Variants in SH3GL2 observed in about 807,000 individuals in gnomAD.
SH3GL2 encodes SH3 domain containing GRB2 like 2, endophilin A1, also known as endophilin-A1.
In SH3GL2, 24 loss-of-function variants were observed where a neutral mutation model predicts 46.0. The ratio of observed to expected loss-of-function variants is 0.52; its 90% CI spans 0.38 to 0.73. The LOEUF (loss-of-function observed/expected upper bound fraction) is 0.73. Among genes scored for constraint, SH3GL2 ranks in the 30% least tolerant of loss-of-function variants. SH3GL2 has a pLI of 0.00. For missense variants in SH3GL2, 413 were observed against 424.2 expected (o/e 0.97, Z 0.23); for synonymous variants, 196 against 147.1 (o/e 1.33, Z -2.40).
intron 1 of SH3GL2, among the ~76,000 whole-genome samples, chr9:17,670,550 G>C (rs551844547): frequency 6.6e-6 from 1 of 152,180 alleles, no homozygotes; most frequent in Non-Finnish European, 1.5e-5. Context: ...ACACAAAACA[G>C]TTGTATTATG....
intron 6 of SH3GL2, chr9:17,789,912 C>T (rs1400064248): frequency 6.7e-6 from 2 of 300,582 alleles, no homozygotes; most frequent in Non-Finnish European, 9.8e-6. Context: ...CTACTGAGCA[C>T]ATATCAATTT....
At chr9:17,752,855 C>T (rs1822886136) in intron 2 of SH3GL2, among the ~76,000 whole-genome samples, 1 of 152,112 alleles carries the variant, frequency 6.6e-6, no homozygotes, top group Non-Finnish European at 1.5e-5. Context: ...TTGTCTCCCT[C>T]CTCCCACCCT....
intron 1 of SH3GL2, among the ~76,000 whole-genome samples, chr9:17,617,260 C>T (rs182933620): frequency 6.6e-6 from 1 of 152,238 alleles, no homozygotes; most frequent in African/African-American, 2.4e-5. Context: ...AACAATGCTG[C>T]AGTATATAAA....
At chr9:17,654,705 ATGAACCAG>A (rs1820031643) in intron 1 of SH3GL2, among the ~76,000 whole-genome samples, 1 of 152,248 alleles carries the variant, frequency 6.6e-6, no homozygotes, top group Non-Finnish European at 1.5e-5. Flanking sequence ...CACTGACTGT[ATGAACCAG>A]TAGCTAGTGT....
chr9:17,656,051 A>C (rs982920513), intron 1 of SH3GL2, among the ~76,000 whole-genome samples: 6 of 152,314 alleles, frequency 3.9e-5, no homozygotes, highest in Non-Finnish European at 5.9e-5. Flanking sequence ...GAAAGAACTG[A>C]AAAAGTTAAA....
At chr9:17,614,189 C>T (rs1818931357) in intron 1 of SH3GL2, among the ~76,000 whole-genome samples, 1 of 146,704 alleles carries the variant, frequency 6.8e-6, no homozygotes, top group Non-Finnish European at 1.5e-5. Flanking sequence ...AATTGCTGAT[C>T]ATTCTCAGTA....
intron 1 of SH3GL2, among the ~76,000 whole-genome samples, chr9:17,631,395 A>G (rs1410226849): frequency 1.3e-5 from 2 of 152,210 alleles, no homozygotes; most frequent in Non-Finnish European, 2.9e-5. Context: ...ATATTTGGTG[A>G]ACCTTGGCCA....
intron 1 of SH3GL2, among the ~76,000 whole-genome samples, chr9:17,631,556 A>C (rs1447567105): frequency 6.6e-6 from 1 of 152,202 alleles, no homozygotes; most frequent in Non-Finnish European, 1.5e-5. Context: ...CCTGGAGAAA[A>C]CAAAGCCCAT....
chr9:17,755,782 G>A lies in SH3GL2; in HGVS notation c.115-5655G>A, dbSNP rs758910098. On this transcript the variant is annotated intron_variant, in intron 2 of 8. Coordinates refer to ENST00000380607, the MANE Select transcript of SH3GL2 (RefSeq NM_003026.5). ...CCACAAACAACGCCACGCTGTTCAC[G>A]AGTCCTTACACCTAAGTTCAGGAAA... is the stretch of plus-strand genomic sequence containing the variant. The A allele has an allele frequency of 2.8e-4, 271 of 984,950 alleles. 1 individual carries two copies. The highest frequency in any genetic ancestry group is 5.2e-4 in the Middle Eastern group (1 of 1,936). The allele number at this position is 984,950 out of a possible 1,614,324, so 61.0% of individuals were successfully genotyped here. A position where few individuals can be genotyped will look rare whatever the true frequency, so the allele number is the denominator to read the frequency against.
In SH3GL2 at chr9:17,676,688, G is replaced by A. The variant is rs149411063; in HGVS notation, c.46-70378G>A. 1.2e-3 allele frequency among the ~76,000 whole-genome samples: 190 copies of A among 152,152 alleles called. 6 individuals carry two copies. The East Asian group carries it at 0.027, about 22-fold the overall frequency. Reference sequence around the variant, plus strand: ...ACATAATTATGCATCCCTGAAAGTGGCATTTTGCTACATAGCCTCAATATA... The same window carrying A: ...ACATAATTATGCATCCCTGAAAGTGACATTTTGCTACATAGCCTCAATATA... On this transcript the variant is annotated intron_variant, in intron 1 of 8. Coordinates refer to ENST00000380607, the MANE Select transcript of SH3GL2 (RefSeq NM_003026.5).
chr9:17,741,692 C>T (rs1002458871), intron 1 of SH3GL2, among the ~76,000 whole-genome samples: 2 of 152,146 alleles, frequency 1.3e-5, no homozygotes, highest in Non-Finnish European at 2.9e-5. Flanking sequence ...GCTCTTCAAG[C>T]GCTGTGTTAA....
chr9:17,743,267 C>T (rs1822581059), intron 1 of SH3GL2, among the ~76,000 whole-genome samples: 6 of 152,076 alleles, frequency 3.9e-5, no homozygotes, highest in Non-Finnish European at 5.9e-5. Flanking sequence ...ATATTTAGCT[C>T]CTTTGTGACT....
intron 1 of SH3GL2, among the ~76,000 whole-genome samples, chr9:17,686,903 A>T (rs1588239717): frequency 6.7e-6 from 1 of 149,450 alleles, no homozygotes; most frequent in Non-Finnish European, 1.5e-5. Context: ...ACTAACCTGC[A>T]CAATGTGCAC....
intron 1 of SH3GL2, among the ~76,000 whole-genome samples, chr9:17,642,240 T>G (rs12238302): frequency 0.23 from 34,739 of 152,200 alleles, 4,637 homozygotes; most frequent in East Asian, 0.45. Flanking sequence ...TTTAAGTTCC[T>G]TGTTGATTAT....
chr9:17,689,216 C>G (rs148623415), intron 1 of SH3GL2, among the ~76,000 whole-genome samples: 1 of 152,010 alleles, frequency 6.6e-6, no homozygotes, highest in Non-Finnish European at 1.5e-5. Context: ...CTATAATATA[C>G]CTGATCAGTA....
chr9:17,705,393 A>G (rs945317793), intron 1 of SH3GL2, among the ~76,000 whole-genome samples: 3 of 152,098 alleles, frequency 2.0e-5, no homozygotes, highest in Non-Finnish European at 4.4e-5. Context: ...CATATTGGGT[A>G]TATTCCTAAA....
At chr9:17,662,432 G>A (rs1238418461) in intron 1 of SH3GL2, among the ~76,000 whole-genome samples, 2 of 152,172 alleles carry the variant, frequency 1.3e-5, no homozygotes, top group African/African-American at 4.8e-5. Flanking sequence ...AGCAGAGTCT[G>A]TCATCATTAG....
intron 1 of SH3GL2, among the ~76,000 whole-genome samples, chr9:17,704,794 T>C (rs570185802): frequency 3.3e-5 from 5 of 152,228 alleles, no homozygotes; most frequent in African/African-American, 1.2e-4. Context: ...CCAGATGGAT[T>C]AAAGACTTAA....
chr9:17,755,118 G>T (rs34685131), intron 2 of SH3GL2, among the ~76,000 whole-genome samples: 2 of 152,138 alleles, frequency 1.3e-5, no homozygotes, highest in Non-Finnish European at 2.9e-5. Flanking sequence ...TGTTGGATAT[G>T]GGTTTGTCAT....
Sources: gnomAD v4.1 joint callset for allele counts (sites outside exome capture counted in the v4.1 genomes callset) on GRCh38, gnomAD v4.1.1 for gene constraint, MANE v1.5 for transcripts, NCBI Gene and HGNC (gene_info 2026-07-23, HGNC 2026-07-21) for gene names.